The following DNAJC6 variants were observed in gnomAD, a reference collection of about 807,000 sequenced individuals.
The protein encoded by DNAJC6 is auxilin.
Under a neutral mutation model 110.0 loss-of-function variants are expected in DNAJC6, and 34 were observed. That is an observed-to-expected ratio of 0.31 (90% confidence interval 0.24 to 0.41). The LOEUF (loss-of-function observed/expected upper bound fraction) is 0.41. DNAJC6 is among the 10% of genes least tolerant of loss of function. DNAJC6 has a pLI of 1.00. For synonymous variants in DNAJC6, 406 were observed against 437.2 expected (o/e 0.93, Z 0.89); for missense variants, 1,031 against 1,207.8 (o/e 0.85, Z 2.17).
intron 1 of DNAJC6, among the ~76,000 whole-genome samples, chr1:65,299,908 T>C (rs6670832): frequency 0.64 from 97,180 of 151,592 alleles, 31,351 homozygotes; most frequent in East Asian, 0.79. Context: ...AAGAATTAGC[T>C]GGGCATGGTG....
In DNAJC6 at chr1:65,380,911, G is replaced by GTTTTTTTTTTTTTTTTTTTTTTTT. The variant is rs1312055301; in HGVS notation, c.666+1391_666+1392insTTTTTTTTTTTTTTTTTTTTTTTT. Among the ~76,000 whole-genome samples, 59 of 114,884 alleles carry GTTTTTTTTTTTTTTTTTTTTTTTT rather than the reference G, an allele frequency of 5.1e-4. 13 individuals carry two copies. The highest frequency in any genetic ancestry group is 2.2e-3 in the African/African-American group (52 of 23,292). The allele number at this position is 114,884 out of a possible 152,430, so 75.4% of individuals were successfully genotyped here. ...GGGAGTTTTTTTTTTTTTGTTTTTTGTTTTGTTTTGTTTTTTTTTTTTTTT... is the reference window on the plus strand; with the variant it reads ...GGGAGTTTTTTTTTTTTTGTTTTTTGTTTTTTTTTTTTTTTTTTTTTTTTTTTTGTTTTGTTTTTTTTTTTTTTT... On this transcript the variant is annotated intron_variant, in intron 5 of 18. Transcript: ENST00000371069.
chr1:65,344,504 C>A (rs1006782317), intron 1 of DNAJC6, among the ~76,000 whole-genome samples: 5 of 152,076 alleles, frequency 3.3e-5, no homozygotes, highest in Non-Finnish European at 2.9e-5. Context: ...GTCTCCTTAG[C>A]AACCCCCAAT....
chr1:65,369,538 G>A (rs1645685975), intron 4 of DNAJC6, among the ~76,000 whole-genome samples: 1 of 152,040 alleles, frequency 6.6e-6, no homozygotes, highest in African/African-American at 2.4e-5. Context: ...TACTAAACAT[G>A]GAACTGGTTT....
chr1:65,270,080 C>T (rs1222252828), intron 1 of DNAJC6, among the ~76,000 whole-genome samples: 1 of 152,108 alleles, frequency 6.6e-6, no homozygotes, highest in Non-Finnish European at 1.5e-5. Context: ...GAATTTTGTT[C>T]AGGAAATCAC....
chr1:65,315,761 G>A (rs948742931), intron 1 of DNAJC6, among the ~76,000 whole-genome samples: 1 of 152,210 alleles, frequency 6.6e-6, no homozygotes, highest in African/African-American at 2.4e-5. Context: ...GAGAGGTTAA[G>A]TTGCGTGAGG....
intron 1 of DNAJC6, among the ~76,000 whole-genome samples, chr1:65,298,594 CT>C (rs34188157): frequency 7.0e-4 from 102 of 146,580 alleles, no homozygotes; most frequent in Middle Eastern, 6.9e-3. Flanking sequence ...CTGACCATGA[CT>C]TTTTTTTTTT....
At chr1:65,300,920 G>A (rs539939706) in intron 1 of DNAJC6, among the ~76,000 whole-genome samples, 1 of 152,214 alleles carries the variant, frequency 6.6e-6, no homozygotes, top group East Asian at 1.9e-4. Context: ...CACCCTGTTA[G>A]GTACAATGGG....
chr1:65,280,072 T>C (rs1189114672), intron 1 of DNAJC6, among the ~76,000 whole-genome samples: 1 of 152,208 alleles, frequency 6.6e-6, no homozygotes, highest in East Asian at 1.9e-4. Flanking sequence ...AATAAGGTTG[T>C]TGCGAGATTA....
rs576812197 is a variant in DNAJC6, at chr1:65,325,095, G to C, written c.193+15157G>C. 4.6e-5 allele frequency among the ~76,000 whole-genome samples: 7 copies of C among 152,134 alleles called. No individual in the cohort carries two copies. In the South Asian group the frequency reaches 1.5e-3, roughly 32 times the overall value. On this transcript the variant is annotated intron_variant, in intron 1 of 18. Transcript: ENST00000371069. ...AGGTTCTTTGCTTTTCAGGAAGATG[G>C]CGTGGAAAGCATCTAAGTTATAAAA... is the stretch of plus-strand genomic sequence containing the variant.
At chr1:65,280,767 CT>C in intron 1 of DNAJC6, among the ~76,000 whole-genome samples, 1 of 152,104 alleles carries the variant, frequency 6.6e-6, no homozygotes, top group South Asian at 2.1e-4. Context: ...ATTTTTTGGT[CT>C]AATTTTTTTC....
intron 1 of DNAJC6, among the ~76,000 whole-genome samples, chr1:65,313,827 C>G (rs1426963293): frequency 1.3e-5 from 2 of 152,148 alleles, no homozygotes; most frequent in Non-Finnish European, 2.9e-5. Context: ...TCTCTTCATT[C>G]AAATTATTCT....
chr1:65,386,984 A>G (rs531899487), intron 8 of DNAJC6, 55 bp downstream of exon 8: 15 of 1,407,558 alleles, frequency 1.1e-5, no homozygotes, highest in East Asian at 2.3e-5. Flanking sequence ...CAATAGGAGT[A>G]TTTCTGAATC....
chr1:65,351,941 T>A (rs1432240903), intron 1 of DNAJC6, among the ~76,000 whole-genome samples: 2 of 151,980 alleles, frequency 1.3e-5, no homozygotes, highest in Non-Finnish European at 2.9e-5. Flanking sequence ...ATTTTTTGTG[T>A]TTTTAGTAGA....
intron 1 of DNAJC6, among the ~76,000 whole-genome samples, chr1:65,320,569 A>G (rs1645188922): frequency 6.6e-6 from 1 of 152,194 alleles, no homozygotes; most frequent in South Asian, 2.1e-4. Context: ...AATGTAAATG[A>G]ATGCATTTGC....
At chr1:65,398,093 G>A (rs753295395) in intron 13 of DNAJC6, among the ~76,000 whole-genome samples, 14 of 152,252 alleles carry the variant, frequency 9.2e-5, no homozygotes, top group African/African-American at 2.6e-4. Context: ...AACTTACTAC[G>A]CACATGTATT....
chr1:65,308,840 A>G (rs1055081792), upstream of DNAJC6, among the ~76,000 whole-genome samples: 1 of 152,160 alleles, frequency 6.6e-6, no homozygotes, highest in Non-Finnish European at 1.5e-5. Context: ...TATTCGCTCA[A>G]CAAAGAGTTC....
chr1:65,340,540 T>G (rs777169143), intron 1 of DNAJC6, among the ~76,000 whole-genome samples: 5 of 152,142 alleles, frequency 3.3e-5, no homozygotes, highest in Non-Finnish European at 7.4e-5. Context: ...ACAGATCTGG[T>G]TTGTGTTCTG....
At chr1:65,290,261 G>T (rs1002993424) in intron 1 of DNAJC6, among the ~76,000 whole-genome samples, 4 of 152,070 alleles carry the variant, frequency 2.6e-5, no homozygotes, top group Non-Finnish European at 5.9e-5. Context: ...GATTTATATT[G>T]AGTCCTTTGA....
At chr1:65,302,186 T>G (rs1644991287) in intron 1 of DNAJC6, among the ~76,000 whole-genome samples, 1 of 143,312 alleles carries the variant, frequency 7.0e-6, no homozygotes. Context: ...ATTTATATAT[T>G]ATGTTAATAT....
Sources: allele counts gnomAD v4.1 joint callset (sites outside exome capture counted in the v4.1 genomes callset), GRCh38; gene constraint gnomAD v4.1.1; transcripts MANE v1.5; gene names NCBI Gene and HGNC (gene_info 2026-07-23, HGNC 2026-07-21).